The following MYH1 variants were observed in gnomAD, a reference collection of about 807,000 sequenced individuals.
MYH1 encodes myosin heavy chain 1.
Under a neutral mutation model 225.6 loss-of-function variants are expected in MYH1, and 214 were observed. That is an observed-to-expected ratio of 0.95 (90% CI 0.85 to 1.06). The LOEUF (loss-of-function observed/expected upper bound fraction) is 1.06. MYH1 is among the 50% of genes least tolerant of loss of function. The pLI is 0.00. For missense variants in MYH1, 2,098 were observed against 2,344.2 expected, an observed-to-expected ratio of 0.89 and a Z score of 2.17; for synonymous variants, 774 against 842.3, an observed-to-expected ratio of 0.92 and a Z score of 1.40.
chr17:10,511,056 T>G (rs2073166182), intron 14 of MYH1, among the ~76,000 whole-genome samples: 1 of 152,012 alleles, frequency 6.6e-6, no homozygotes. Flanking sequence ...GATGACAGAT[T>G]ATTCCTTTCT....
In MYH1 at chr17:10,497,346, G is replaced by A. The variant is rs141308810; in HGVS notation, c.4472C>T (p.Ala1491Val). Residue 1491 changes from alanine (A) to valine (V), a missense_variant, in exon 32 of 40, where the codon GCT becomes GTT. By Grantham distance (64) the Ala-to-Val change is moderately conservative. Coordinates refer to ENST00000226207, the MANE Select transcript of MYH1 (RefSeq NM_005963.4). ...AAGTTGGTCTAAAGATTCCTCATAA[G>A]CATTCTTAATCTTAAATAGTTCTGT... The part of the protein sequence containing the change: ...LSTELFKIKN[A>V]YEESLDQLET... 130 of 1,613,208 alleles carry A rather than the reference G, an allele frequency of 8.1e-5. No homozygotes were observed. The African/African-American group carries it at 1.5e-3, about 19-fold the overall frequency.
chr17:10,497,510 C>T, intron 31 of MYH1, 58 bp from the exon 32 acceptor site: 5 of 1,562,354 alleles, frequency 3.2e-6, no homozygotes, highest in Non-Finnish European at 4.3e-6. Flanking sequence ...AGATAAAAAC[C>T]ATCTATTCTA....
rs1332297204 is a variant in MYH1, at chr17:10,500,671, T to C, written c.3820A>G (p.Ile1274Val). Reference sequence around the variant, plus strand: ...GCTCTCTGTGCTGTGAGGTCATTGATCAGCCGCTGCTGCTCCTCTTCCTTG... The same window carrying C: ...GCTCTCTGTGCTGTGAGGTCATTGACCAGCCGCTGCTGCTCCTCTTCCTTG... ...KTKEEEQQRL[I>V]NDLTAQRARL... is the part of the protein sequence containing the mutation. The change falls in exon 28 of 40, where the codon ATC becomes GTC. Residue 1274 changes from isoleucine to valine, a missense_variant. Coordinates refer to ENST00000226207, the MANE Select transcript of MYH1 (RefSeq NM_005963.4). The C allele has an allele frequency of 6.2e-7, 1 of 1,614,046 alleles. No individual in the cohort carries two copies. The highest frequency in any genetic ancestry group is 1.1e-5 in the South Asian group (1 of 91,074).
chr17:10,492,361 CA>C lies in MYH1; in HGVS notation c.*54del, dbSNP rs2072941889. ...AAGTCATAAGTACAAAATGGAGTGACAAAGATTTTCACATTTTGTGCATTTC... is the reference window on the plus strand; with the variant it reads ...AAGTCATAAGTACAAAATGGAGTGACAAGATTTTCACATTTTGTGCATTTC... On this transcript the variant is annotated 3_prime_UTR_variant, in exon 40 of 40. Transcript: ENST00000226207. 1 of 1,591,352 alleles carries C rather than the reference CA, an allele frequency of 6.3e-7. No individual in the cohort carries two copies. The highest frequency in any genetic ancestry group is 8.5e-7 in the Non-Finnish European group (1 of 1,170,172).
intron 14 of MYH1, among the ~76,000 whole-genome samples, 188 bp downstream of exon 14, chr17:10,511,651 A>G (rs1336049276): frequency 9.9e-5 from 15 of 152,192 alleles, no homozygotes; most frequent in Admixed American, 9.8e-4. Flanking sequence ...GTTTGAATCC[A>G]GGTCTGTCTC....
chr17:10,502,938 T>G (rs1387406557), intron 23 of MYH1, 24 bp from the exon 24 acceptor site: 1 of 1,614,068 alleles, frequency 6.2e-7, no homozygotes, highest in African/African-American at 1.3e-5. Context: ...GAAAGCAGCT[T>G]AGTTGCTCTA....
At chr17:10,500,886 G>T in intron 27 of MYH1, 134 bp from the exon 28 acceptor site, 1 of 1,414,512 alleles carries the variant, frequency 7.1e-7, no homozygotes, top group Non-Finnish European at 9.6e-7. Context: ...AACAAAACCA[G>T]CAAAGGTCTT....
intron 22 of MYH1, 136 bp from the exon 23 acceptor site, chr17:10,503,384 T>A: frequency 8.0e-7 from 1 of 1,255,156 alleles, no homozygotes; most frequent in Non-Finnish European, 1.1e-6. Flanking sequence ...TACCATTCAG[T>A]AAATATTGGG....
chr17:10,502,204 T>C (rs1297961048), intron 24 of MYH1, among the ~76,000 whole-genome samples: 3 of 152,202 alleles, frequency 2.0e-5, no homozygotes, highest in Admixed American at 1.3e-4. Flanking sequence ...ACCATGCTAA[T>C]ACTTCCAAAC....
chr17:10,514,201 T>C (rs1225205626), intron 6 of MYH1, 77 bp from the exon 7 acceptor site: 6 of 1,515,962 alleles, frequency 4.0e-6, no homozygotes, highest in African/African-American at 1.4e-5. Flanking sequence ...TTTGTCTTTA[T>C]ATCTCTATTA....
intron 8 of MYH1, 54 bp from the exon 9 acceptor site, chr17:10,513,743 A>G (rs1018011116): frequency 6.4e-5 from 103 of 1,612,322 alleles, no homozygotes; most frequent in Non-Finnish European, 8.1e-5. Flanking sequence ...CGTAGTGGGG[A>G]TGCCACTGAA....
At chr17:10,511,745 C>G (rs542484870) in intron 14 of MYH1, 94 bp downstream of exon 14, 358 of 1,588,912 alleles carry the variant, frequency 2.3e-4, no homozygotes, top group Non-Finnish European at 2.9e-4. Flanking sequence ...TTTTCATAGA[C>G]CCTTTCCATA....
At chr17:10,495,621 C>T (rs1210747949) in intron 35 of MYH1, among the ~76,000 whole-genome samples, 1 of 151,476 alleles carries the variant, frequency 6.6e-6, no homozygotes. Flanking sequence ...ATTAGCCGGG[C>T]GTGGTGGCGG....
chr17:10,497,592 C>A, intron 31 of MYH1, 140 bp from the exon 32 acceptor site: 1 of 1,482,732 alleles, frequency 6.7e-7, no homozygotes, highest in East Asian at 2.4e-5. Context: ...ACCATAGGAG[C>A]ACTTCCCCTC....
At chr17:10,510,999 A>G (rs1367815142) in intron 14 of MYH1, among the ~76,000 whole-genome samples, 4 of 150,020 alleles carry the variant, frequency 2.7e-5, no homozygotes, top group African/African-American at 9.8e-5. Context: ...CCCTGTCATT[A>G]GTTCTCTTAT....
intron 4 of MYH1, 50 bp downstream of exon 4, chr17:10,516,149 A>C: frequency 6.2e-7 from 1 of 1,613,430 alleles, no homozygotes. Flanking sequence ...ACTACTTTTC[A>C]AAAACTATTA....
In MYH1 at chr17:10,502,888, C is replaced by T. The variant is rs138112513; in HGVS notation, c.2961G>A (p.Ala987=). 1.7e-4 allele frequency: 277 copies of T among 1,613,750 alleles called. 2 individuals are homozygous for T. The highest frequency in any genetic ancestry group is 9.6e-4 in the African/African-American group (72 of 74,930). ...NKVKNLTEEM[A]GLDETIAKLT... ...GCTTAGCAATGGTTTCATCCAGACC[C>T]GCCATCTCTTCTGTGAGGTTTTTCA... Residue 987 remains alanine (A), a synonymous_variant, in exon 24 of 40, where the codon GCG becomes GCA. Transcript: ENST00000226207.
chr17:10,504,517 T>C (rs2073089769), intron 22 of MYH1, among the ~76,000 whole-genome samples: 1 of 152,232 alleles, frequency 6.6e-6, no homozygotes, highest in Non-Finnish European at 1.5e-5. Context: ...CATTTTTCAG[T>C]AGGGAGAATT....
Position 10,512,389 on chromosome 17 carries a change from A to C in MYH1, c.1147+19T>G. On this transcript the variant is annotated intron_variant, in intron 12 of 39. Coordinates refer to ENST00000226207, the MANE Select transcript of MYH1 (RefSeq NM_005963.4). Reference sequence around the variant, plus strand: ...GCCTATATTCTCTCATTAAACCCAGATGGAGATTCATTTGGTACCTTCAGT... The same window carrying C: ...GCCTATATTCTCTCATTAAACCCAGCTGGAGATTCATTTGGTACCTTCAGT... The C allele has an allele frequency of 6.2e-7, 1 of 1,614,104 alleles. No individual in the cohort carries two copies. The highest frequency in any genetic ancestry group is 8.5e-7 in the Non-Finnish European group (1 of 1,180,000).
Sources: allele counts gnomAD v4.1 joint callset (sites outside exome capture counted in the v4.1 genomes callset), GRCh38; gene constraint gnomAD v4.1.1; transcripts MANE v1.5; gene names NCBI Gene and HGNC (gene_info 2026-07-23, HGNC 2026-07-21).